Variants in TNXB observed in about 807,000 individuals in gnomAD.
TNXB encodes the protein tenascin XB, also known as tenascin-X.
Under a neutral mutation model 340.5 loss-of-function variants are expected in TNXB, and 183 were observed. The observed-to-expected ratio is 0.54, with a 90% CI of 0.48 to 0.61. The LOEUF is 0.61. TNXB is among the 20% of genes least tolerant of loss of function. TNXB has a pLI of 0.00. For synonymous variants in TNXB, 2,121 were observed against 2,314.5 expected, an observed-to-expected ratio of 0.92 and a Z score of 2.40; for missense variants, 4,613 against 5,446.4, an observed-to-expected ratio of 0.85 and a Z score of 4.82.
rs535019089 is a variant in TNXB at position 32,072,974 on chromosome 6, G to C, written c.4681+673C>G. Among the ~76,000 whole-genome samples the C allele has an allele frequency of 2.6e-5, 4 of 152,136 alleles. No homozygotes were observed. Among genetic ancestry groups the C allele is most frequent in the African/African-American group, 9.7e-5 (4 of 41,440 alleles). On this transcript the variant is annotated intron_variant, in intron 12 of 43. Coordinates refer to ENST00000644971, the MANE Select transcript of TNXB (RefSeq NM_001365276.2). This position sits in a 1 kb window ranked among gnomAD's most constrained non-coding sequence, Gnocchi z 4.4. Reference sequence around the variant, plus strand: ...CTCAAAAATAAAAAAGAAATATTTTGATAACTGTCTATAAATATAATGTTT... The same window carrying C: ...CTCAAAAATAAAAAAGAAATATTTTCATAACTGTCTATAAATATAATGTTT...
At position 32,061,647 on chromosome 6, in the gene TNXB, C is replaced by A. The variant is rs761150005; in HGVS notation, c.7242G>T (p.Leu2414=). The A allele has an allele frequency of 3.7e-6, 6 of 1,612,714 alleles. No homozygotes were observed. The highest frequency in any genetic ancestry group is 5.1e-6 in the Non-Finnish European group (6 of 1,179,836). ...AGGATCCTGTCACTGTTAGCTCCCC[C>A]AGGAGCGGCTCCTCAGGGGGCTCCG... ...EAPEPPEEPL[L]GELTVTGSSP... The change falls in exon 21 of 44, where the codon CTG becomes CTT. Residue 2414 remains leucine, a synonymous_variant. Coordinates refer to ENST00000644971, the MANE Select transcript of TNXB (RefSeq NM_001365276.2). This position sits in a 1 kb window ranked among gnomAD's most constrained non-coding sequence, Gnocchi z 4.4.
Position 32,042,510 on chromosome 6 carries a change from C to A in TNXB, c.12155G>T (p.Arg4052Leu). 20 of 1,612,620 alleles carry A rather than the reference C, an allele frequency of 1.2e-5. No homozygotes were observed. The highest frequency in any genetic ancestry group is 1.7e-5 in the Non-Finnish European group (20 of 1,179,986). Residue 4052 changes from arginine to leucine, a missense_variant, in exon 40 of 44, where the codon CGC (arginine) becomes CTC (leucine). By Grantham distance (102) the Arg-to-Leu change is moderately radical. Around this residue, in one of 7 missense-constraint regions of TNXB, gnomAD observed 121 missense variants for 177.4 expected, o/e 0.68. Transcript: ENST00000644971. ...RTSTIFLNGN[R>L]ERPLNVFCDM... ...GCAAAACACGTTCAGGGGCCGCTCG[C>A]GGTTGCCGTTGAGGAAGATGGTGCT...
At position 32,056,697 on chromosome 6, in the gene TNXB, C is replaced by T. The variant is rs527511337; in HGVS notation, c.8032G>A (p.Glu2678Lys). 1.5e-5 allele frequency: 24 copies of T among 1,613,120 alleles called. No individual in the cohort carries two copies. Among genetic ancestry groups the T allele is most frequent in the South Asian group, 4.4e-5 (4 of 91,088 alleles). ...QPKAVRVPGH[E>K]DGVTISGLEP... The stretch of plus-strand genomic sequence containing the variant: ...AGGCCTGAGATGGTGACCCCGTCCT[C>T]GTGCCCCGGCACCCGCACCGCCTTG... The change falls in exon 23 of 44, where the codon GAG becomes AAG. Residue 2678 changes from glutamate (E) to lysine (K), a missense_variant. By Grantham distance (56) the Glu-to-Lys change is moderately conservative. This residue lies in a region of TNXB where 4,327 missense variants were observed against 4,859.4 expected (regional missense o/e 0.89). Coordinates refer to ENST00000644971, the MANE Select transcript of TNXB (RefSeq NM_001365276.2).
rs780343360 is a variant in TNXB at position 32,052,791 on chromosome 6, G to A, written c.8994C>T (p.Val2998=). 4 of 1,613,636 alleles carry A rather than the reference G, an allele frequency of 2.5e-6. No individual in the cohort carries two copies. Among genetic ancestry groups the A allele is most frequent in the African/African-American group, 1.3e-5 (1 of 74,910 alleles). ...DRDGRPQVVR[V]RGEESEVTVG... is the part of the protein sequence containing the mutation. ...CGGTGACCTCGCTCTCCTCGCCCCT[G>A]ACACGCACCACCTGGGGCCGCCCGT... Residue 2998 remains valine, a synonymous_variant, in exon 26 of 44, where the codon GTC becomes GTT. Transcript: ENST00000644971. The surrounding 1 kb of genome is among the most constrained non-coding windows in gnomAD (Gnocchi z 4.7).
chr6:32,104,722 C>T (rs544643035), intron 1 of TNXB, among the ~76,000 whole-genome samples: 1 of 152,156 alleles, frequency 6.6e-6, no homozygotes, highest in South Asian at 2.1e-4. Flanking sequence ...GCAGCATTGA[C>T]CTCCTGTTGC....
At chr6:32,056,219 G>A in intron 23 of TNXB, 45 bp from the exon 24 acceptor site, 1 of 1,584,308 alleles carries the variant, frequency 6.3e-7, no homozygotes. Flanking sequence ...CCTGGGGGAT[G>A]TGCTCAGGTC....
rs1163410203 is a variant in TNXB, at chr6:32,090,884, C to T, written c.2359-1505G>A. 1.3e-5 allele frequency among the ~76,000 whole-genome samples: 2 copies of T among 152,138 alleles called. No homozygotes were observed. The highest frequency in any genetic ancestry group is 2.9e-5 in the Non-Finnish European group (2 of 68,028). On this transcript the variant is annotated intron_variant, in intron 4 of 43. Transcript: ENST00000644971. This position sits in a 1 kb window ranked among gnomAD's most constrained non-coding sequence, Gnocchi z 4.3. ...GTCTCTTTCTCTTTATCCACACCCA[C>T]CCCATCCCCACAGCCGCAATACACA...
In TNXB at chr6:32,084,462, C is replaced by T; in HGVS notation, c.3396G>A (p.Gly1132=). The T allele has an allele frequency of 6.2e-7, 1 of 1,603,682 alleles. No homozygotes were observed. The highest frequency in any genetic ancestry group is 8.5e-7 in the Non-Finnish European group (1 of 1,175,342). The stretch of plus-strand genomic sequence containing the variant: ...GACCATGCCTCTTCTTGCCAACAAA[C>T]CCATACAGGACAAATTTGTACTTGC... ...PGRKYKFVLY[G]FVGKKRHGPL... is the part of the protein sequence containing the mutation. Residue 1132 remains glycine (G), a synonymous_variant, in exon 8 of 44, where the codon GGG becomes GGA. Transcript: ENST00000644971. This position sits in a 1 kb window ranked among gnomAD's most constrained non-coding sequence, Gnocchi z 5.5.
At chr6:32,076,349 G>A (rs1003253305) in intron 11 of TNXB, among the ~76,000 whole-genome samples, 4 of 152,138 alleles carry the variant, frequency 2.6e-5, no homozygotes, top group African/African-American at 9.7e-5. Context: ...CCTGGCAACT[G>A]CACTGTGTGT....
chr6:32,049,647 G>A lies in TNXB; in HGVS notation c.9440-60C>T, dbSNP rs373849422. 2 of 1,554,494 alleles carry A rather than the reference G, an allele frequency of 1.3e-6. No homozygotes were observed. On this transcript the variant is annotated intron_variant, in intron 27 of 43. Transcript: ENST00000644971. The surrounding 1 kb of genome is among the most constrained non-coding windows in gnomAD (Gnocchi z 4.5). ...GATGTCCTTGGGTCCTGGGGAAAAGGAGGGAGAAGCCAAGGCTATGACTGG... is the reference window on the plus strand; with the variant it reads ...GATGTCCTTGGGTCCTGGGGAAAAGAAGGGAGAAGCCAAGGCTATGACTGG...
rs1777669630 is a variant in TNXB at position 32,056,672 on chromosome 6, A to G, written c.8057T>C (p.Leu2686Pro). 6.2e-7 allele frequency: 1 copy of G among 1,613,116 alleles called. No individual in the cohort carries two copies. The highest frequency in any genetic ancestry group is 2.2e-5 in the East Asian group (1 of 44,886). The change falls in exon 23 of 44, where the codon CTG becomes CCG. Residue 2686 changes from leucine (L) to proline (P), a missense_variant. Transcript: ENST00000644971. ...CATCTTGTATTTATGGTCTGGCTCCAGGCCTGAGATGGTGACCCCGTCCTC... is the reference window on the plus strand; with the variant it reads ...CATCTTGTATTTATGGTCTGGCTCCGGGCCTGAGATGGTGACCCCGTCCTC... Reference protein sequence around the residue: ...GHEDGVTISGLEPDHKYKMNL... With the variant: ...GHEDGVTISGPEPDHKYKMNL...
rs114703942 is a variant in TNXB at position 32,072,707 on chromosome 6, T to C, written c.4682-409A>G. Among the ~76,000 whole-genome samples the C allele has an allele frequency of 5.1e-3, 780 of 152,378 alleles. 15 individuals are homozygous for C. In the East Asian group the frequency reaches 0.057, roughly 11 times the overall value. ...ATTTTGGGCCGGGTGCAGTGGCTCA[T>C]GCCAGGCCGAGGCGGGTGGATCACC... On this transcript the variant is annotated intron_variant, in intron 12 of 43. Transcript: ENST00000644971. The surrounding 1 kb of genome is among the most constrained non-coding windows in gnomAD (Gnocchi z 4.4).
rs757676729 is a variant in TNXB at position 32,097,247 on chromosome 6, G to A, written c.606C>T (p.Cys202=). The part of the protein sequence containing the change: ...NDQGRCVRGR[C]VCFPGYTGPS... ...GGCCAGTGTAGCCGGGAAAGCACACGCAACGACCACGGACACAGCGACCCT... is the reference window on the plus strand; with the variant it reads ...GGCCAGTGTAGCCGGGAAAGCACACACAACGACCACGGACACAGCGACCCT... The change falls in exon 3 of 44, where the codon TGC becomes TGT. Residue 202 remains cysteine (C), a synonymous_variant. Coordinates refer to ENST00000644971, the MANE Select transcript of TNXB (RefSeq NM_001365276.2). This position sits in a 1 kb window ranked among gnomAD's most constrained non-coding sequence, Gnocchi z 5.9. 1.5e-5 allele frequency: 24 copies of A among 1,609,018 alleles called. No homozygotes were observed. Among genetic ancestry groups the A allele is most frequent in the Non-Finnish European group, 1.9e-5 (22 of 1,177,878 alleles).
In TNXB at chr6:32,089,082, G is replaced by T. The variant is rs547241787; in HGVS notation, c.2516-34C>A. Reference sequence around the variant, plus strand: ...GTTAAAGAGGAGGACTCAGGTGGGTGTCTGGTTCTTCAATCATCATCTTTC... The same window carrying T: ...GTTAAAGAGGAGGACTCAGGTGGGTTTCTGGTTCTTCAATCATCATCTTTC... On this transcript the variant is annotated intron_variant, in intron 5 of 43. Coordinates refer to ENST00000644971, the MANE Select transcript of TNXB (RefSeq NM_001365276.2). The surrounding 1 kb of genome is among the most constrained non-coding windows in gnomAD (Gnocchi z 6.2). 2 of 1,598,346 alleles carry T rather than the reference G, an allele frequency of 1.3e-6. No individual in the cohort carries two copies. The highest frequency in any genetic ancestry group is 2.2e-5 in the South Asian group (2 of 89,330).
chr6:32,070,215 A>G lies in TNXB; in HGVS notation c.5190T>C (p.Pro1730=). ...EGHERSVTVT[P]LDAGRKYRFL... is the part of the protein sequence containing the mutation. ...ATCTGTACTTGCGGCCGGCATCCAG[A>G]GGGGTGACAGTGACAGAGCGCTCAT... Residue 1730 remains proline, a synonymous_variant, in exon 14 of 44, where the codon CCT becomes CCC. Coordinates refer to ENST00000644971, the MANE Select transcript of TNXB (RefSeq NM_001365276.2). The surrounding 1 kb of genome is among the most constrained non-coding windows in gnomAD (Gnocchi z 6.0). 1 of 1,611,604 alleles carries G rather than the reference A, an allele frequency of 6.2e-7. No homozygotes were observed. The highest frequency in any genetic ancestry group is 2.2e-5 in the East Asian group (1 of 44,806).
chr6:32,067,961 G>C lies in TNXB; in HGVS notation c.6244C>G (p.Pro2082Ala). ...GGGGCCTCCATGCTGGGTTCTGTGGGGCTGGGGGTCTCTTCCTCTGCAGCT... is the reference window on the plus strand; with the variant it reads ...GGGGCCTCCATGCTGGGTTCTGTGGCGCTGGGGGTCTCTTCCTCTGCAGCT... ...VTAAEEETPS[P>A]TEPSMEAPEP... The change falls in exon 18 of 44, where the codon CCC (proline) becomes GCC (alanine). Residue 2082 changes from proline to alanine, a missense_variant. By Grantham distance (27) the Pro-to-Ala change is conservative. Around this residue, in one of 7 missense-constraint regions of TNXB, gnomAD observed 4,327 missense variants for 4,859.4 expected, o/e 0.89. Transcript: ENST00000644971. The surrounding 1 kb of genome is among the most constrained non-coding windows in gnomAD (Gnocchi z 4.2). 1.2e-6 allele frequency: 2 copies of C among 1,611,966 alleles called. No individual in the cohort carries two copies. Among genetic ancestry groups the C allele is most frequent in the Non-Finnish European group, 1.7e-6 (2 of 1,179,394 alleles).
At position 32,055,893 on chromosome 6, in the gene TNXB, C is replaced by A. The variant is rs1046018971; in HGVS notation, c.8425G>T (p.Glu2809Ter). 1 of 1,613,176 alleles carries A rather than the reference C, an allele frequency of 6.2e-7. No individual in the cohort carries two copies. Among genetic ancestry groups the A allele is most frequent in the East Asian group, 2.2e-5 (1 of 44,866 alleles). The change falls in exon 24 of 44, where the codon GAG becomes TAG. Residue 2809 changes from glutamate (E) to a stop codon, truncating the protein, a stop_gained. Coordinates refer to ENST00000644971, the MANE Select transcript of TNXB (RefSeq NM_001365276.2). LOFTEE classifies it high-confidence loss of function. Reference sequence around the variant, plus strand: ...GACACCGGGCCCACACGCCGCCCCTCGTGGAGGCCGTACAGGTGCATCTTG... The same window carrying A: ...GACACCGGGCCCACACGCCGCCCCTAGTGGAGGCCGTACAGGTGCATCTTG... The part of the protein sequence containing the change: ...KYKMHLYGLH[E>*]GRRVGPVSTV...
rs953374477 is a variant in TNXB, at chr6:32,062,788, G to A, written c.6842-305C>T. Among the ~76,000 whole-genome samples the A allele has an allele frequency of 2.6e-5, 4 of 152,200 alleles. No homozygotes were observed. The highest frequency in any genetic ancestry group is 1.9e-4 in the East Asian group (1 of 5,198). On this transcript the variant is annotated intron_variant, in intron 19 of 43. Transcript: ENST00000644971. The surrounding 1 kb of genome is among the most constrained non-coding windows in gnomAD (Gnocchi z 4.3). ...ACACCAACCAGGGCCGGGTGTGGTG[G>A]CTCAGGCCTGTAATCTCAGCACTTT...
In TNXB at chr6:32,079,108, G is replaced by A. The variant is rs1195102797; in HGVS notation, c.4300C>T (p.His1434Tyr). The A allele has an allele frequency of 1.2e-6, 2 of 1,613,628 alleles. No individual in the cohort carries two copies. Among genetic ancestry groups the A allele is most frequent in the Admixed American group, 1.7e-5 (1 of 60,010 alleles). Residue 1434 changes from histidine (H) to tyrosine (Y), a missense_variant, in exon 11 of 44, where the codon CAC becomes TAC. By Grantham distance (83) the His-to-Tyr change is moderately conservative. Transcript: ENST00000644971. This position sits in a 1 kb window ranked among gnomAD's most constrained non-coding sequence, Gnocchi z 7.1. ...CCGTACAGGTGCATCTTGTACTTGT[G>A]CCCGGGCTCTAGGCCTCCCACGGTG... ...EVTVGGLEPG[H>Y]KYKMHLYGLH... is the part of the protein sequence containing the mutation.
Sources: gnomAD v4.1 joint callset for allele counts (sites outside exome capture counted in the v4.1 genomes callset) on GRCh38, gnomAD v4.1.1 for gene constraint, gnomAD v4.1.1 regional missense constraint, Gnocchi (gnomAD v3.1) non-coding constraint, MANE v1.5 for transcripts, NCBI Gene and HGNC (gene_info 2026-07-23, HGNC 2026-07-21) for gene names.